ATR: variants seen among roughly 807,000 people sequenced by gnomAD.
ATR encodes ATR checkpoint kinase, also known as serine/threonine-protein kinase ATR.
In ATR, 142 loss-of-function variants were observed where a neutral mutation model predicts 305.3. The ratio of observed to expected loss-of-function variants is 0.47; its 90% CI spans 0.41 to 0.53. The LOEUF (loss-of-function observed/expected upper bound fraction) is 0.53, where lower values mean the gene tolerates loss of function less well. Among genes scored for constraint, ATR ranks in the 20% least tolerant of loss-of-function variants. ATR has a pLI of 0.00. For synonymous variants in ATR, 1,050 were observed against 1,068.1 expected (o/e 0.98, Z 0.33); for missense variants, 2,135 against 3,133.1 (o/e 0.68, Z 7.60).
At chr3:142,520,366 G>A (rs1413153713) in intron 23 of ATR, among the ~76,000 whole-genome samples, 2 of 152,074 alleles carry the variant, frequency 1.3e-5, no homozygotes, top group Non-Finnish European at 2.9e-5. Context: ...TCAAAAGCTA[G>A]AAATGACTAA....
chr3:142,484,076 G>A (rs2108308329), intron 36 of ATR, among the ~76,000 whole-genome samples: 1 of 152,090 alleles, frequency 6.6e-6, no homozygotes, highest in South Asian at 2.1e-4. Context: ...TCGTTTTAAT[G>A]TCAGGGCACT....
intron 34 of ATR, among the ~76,000 whole-genome samples, chr3:142,493,569 T>C (rs1237781733): frequency 1.3e-5 from 2 of 152,242 alleles, no homozygotes; most frequent in South Asian, 2.1e-4. Context: ...CAACAGTGGA[T>C]AGAAAATATT....
At chr3:142,528,877 ATAT>A (rs1185564648) in intron 21 of ATR, among the ~76,000 whole-genome samples, 1 of 47,698 alleles carries the variant, frequency 2.1e-5, no homozygotes, top group African/African-American at 1.4e-4. Context: ...ATATATATAT[ATAT>A]TTTTTTTTTT....
intron 13 of ATR, among the ~76,000 whole-genome samples, chr3:142,552,609 G>A (rs561440401): frequency 6.8e-6 from 1 of 146,052 alleles, no homozygotes; most frequent in East Asian, 2.0e-4. Context: ...GGTGAAGGTT[G>A]CAGTGAACTG....
At chr3:142,565,625 G>A (rs1010109902) in intron 3 of ATR, among the ~76,000 whole-genome samples, 1 of 150,044 alleles carries the variant, frequency 6.7e-6, no homozygotes, top group Non-Finnish European at 1.5e-5. Context: ...GCCAGGCACA[G>A]TAGCATGTGC....
At chr3:142,505,009 A>G in intron 29 of ATR, 130 bp downstream of exon 29, 1 of 1,131,594 alleles carries the variant, frequency 8.8e-7, no homozygotes, top group Non-Finnish European at 1.3e-6. Flanking sequence ...ATGCCACTGC[A>G]CTCCAGCCTG....
At chr3:142,567,800 T>A (rs1403908887) in intron 2 of ATR, among the ~76,000 whole-genome samples, 1 of 152,192 alleles carries the variant, frequency 6.6e-6, no homozygotes, top group Non-Finnish European at 1.5e-5. Flanking sequence ...TATTTTTACA[T>A]ATAATATCCA....
intron 36 of ATR, among the ~76,000 whole-genome samples, chr3:142,482,232 T>A (rs2030554095): frequency 6.6e-6 from 1 of 152,208 alleles, no homozygotes; most frequent in South Asian, 2.1e-4. Context: ...GGGCAAACAT[T>A]GATATTTAAT....
At chr3:142,530,914 C>G (rs2033613793) in intron 21 of ATR, among the ~76,000 whole-genome samples, 1 of 152,178 alleles carries the variant, frequency 6.6e-6, no homozygotes, top group Non-Finnish European at 1.5e-5. Flanking sequence ...GAGTATGACT[C>G]TCTTTCTGTT....
chr3:142,516,366 G>A (rs956500793), intron 24 of ATR, among the ~76,000 whole-genome samples: 2 of 152,236 alleles, frequency 1.3e-5, no homozygotes, highest in Non-Finnish European at 2.9e-5. Flanking sequence ...ATGATACTCA[G>A]GCTACTGCAC....
At chr3:142,535,979 G>T in intron 20 of ATR, 129 bp downstream of exon 20, 1 of 685,452 alleles carries the variant, frequency 1.5e-6, no homozygotes, top group Non-Finnish European at 2.6e-6. Context: ...TACTCACCAG[G>T]AATTAGCTAT....
chr3:142,474,235 T>TAAACA (rs1285751749), intron 36 of ATR, among the ~76,000 whole-genome samples: 8 of 151,642 alleles, frequency 5.3e-5, no homozygotes, highest in Admixed American at 4.6e-4. Context: ...CCAGAATTTT[T>TAAACA]AAACAAAACA....
At chr3:142,452,782 G>T in intron 46 of ATR, 2 of 1,120,528 alleles carry the variant, frequency 1.8e-6, no homozygotes, top group South Asian at 2.3e-5. Context: ...AACATAGCTT[G>T]TGACATACTG....
chr3:142,516,779 A>G (rs1159924426), intron 24 of ATR, among the ~76,000 whole-genome samples: 1 of 152,006 alleles, frequency 6.6e-6, no homozygotes, highest in Non-Finnish European at 1.5e-5. Context: ...TCCTTACTAC[A>G]CCAACTATCA....
chr3:142,505,116 T>C lies in ATR; in HGVS notation c.5196+23A>G. 2.5e-6 allele frequency: 4 copies of C among 1,613,408 alleles called. 1 individual carries two copies. The highest frequency in any genetic ancestry group is 3.4e-6 in the Non-Finnish European group (4 of 1,179,400). On this transcript the variant is annotated intron_variant, in intron 29 of 46. Transcript: ENST00000350721. ...CTATTCAGGGCTATTTTCATTACAGTTGCCTTTCAATTATTATCTTACCTG... is the reference window on the plus strand; with the variant it reads ...CTATTCAGGGCTATTTTCATTACAGCTGCCTTTCAATTATTATCTTACCTG...
chr3:142,493,879 A>AG (rs2108327170), intron 34 of ATR, among the ~76,000 whole-genome samples: 1 of 151,788 alleles, frequency 6.6e-6, no homozygotes, highest in East Asian at 1.9e-4. Context: ...AAAAAAAAAA[A>AG]AAGAAAGCTA....
intron 26 of ATR, among the ~76,000 whole-genome samples, chr3:142,513,170 G>C (rs2032664810): frequency 6.6e-6 from 1 of 151,958 alleles, no homozygotes; most frequent in Non-Finnish European, 1.5e-5. Context: ...CACATAAAAG[G>C]TTTAAAATTA....
Position 142,469,399 on chromosome 3 carries a change from T to C in ATR, c.6490A>G (p.Ile2164Val). ...DEVFVVLMEI[I>V]AKVFLAYPQQ... is the part of the protein sequence containing the mutation. The stretch of plus-strand genomic sequence containing the variant: ...GGATAGGCTAGAAATACTTTGGCTA[T>C]TATTTCCATCAAGACAACAAAAACT... The change falls in exon 38 of 47, where the codon ATA (isoleucine) becomes GTA (valine). Residue 2164 changes from isoleucine (I) to valine (V), a missense_variant. By Grantham distance (29) the Ile-to-Val change is conservative. Coordinates refer to ENST00000350721, the MANE Select transcript of ATR (RefSeq NM_001184.4). 4 of 1,614,012 alleles carry C rather than the reference T, an allele frequency of 2.5e-6. No homozygotes were observed. In the South Asian group the frequency reaches 3.3e-5, roughly 13 times the overall value.
At chr3:142,455,475 A>T (rs949324268) in intron 45 of ATR, among the ~76,000 whole-genome samples, 1 of 152,234 alleles carries the variant, frequency 6.6e-6, no homozygotes, top group Non-Finnish European at 1.5e-5. Flanking sequence ...GAAAAAAAGC[A>T]AAGTTGGAAC....
Sources: allele counts gnomAD v4.1 joint callset (sites outside exome capture counted in the v4.1 genomes callset), GRCh38; gene constraint gnomAD v4.1.1; transcripts MANE v1.5; gene names NCBI Gene and HGNC (gene_info 2026-07-23, HGNC 2026-07-21).